The following PDE11A variants were observed in gnomAD, a reference collection of about 807,000 sequenced individuals.
The protein encoded by PDE11A is phosphodiesterase 11A.
A neutral mutation model predicts 100.5 loss-of-function variants in PDE11A; 100 were observed. That is an observed-to-expected ratio of 1.00 (90% confidence interval 0.85 to 1.18). The LOEUF (loss-of-function observed/expected upper bound fraction) is 1.18, where lower values mean the gene tolerates loss of function less well. Among genes scored for constraint, PDE11A ranks in the 50% most tolerant of loss-of-function variants. The pLI is 0.00. For missense variants in PDE11A, 1,141 were observed against 1,152.6 expected (o/e 0.99, Z 0.15); for synonymous variants, 381 against 420.8 (o/e 0.91, Z 1.16).
chr2:177,691,439 G>A (rs1242040026), intron 15 of PDE11A, among the ~76,000 whole-genome samples: 2 of 152,174 alleles, frequency 1.3e-5, no homozygotes, highest in African/African-American at 4.8e-5. Flanking sequence ...AACACAAAGT[G>A]TGTTTGGAAC....
chr2:177,910,222 T>C (rs1338606469), intron 2 of PDE11A, among the ~76,000 whole-genome samples: 2 of 152,214 alleles, frequency 1.3e-5, no homozygotes, highest in Non-Finnish European at 2.9e-5. Flanking sequence ...TCAGACTCAA[T>C]TGCACAATGT....
At chr2:178,106,891 C>T (rs1331209036) in intron 1 of PDE11A, among the ~76,000 whole-genome samples, 2 of 141,026 alleles carry the variant, frequency 1.4e-5, no homozygotes, top group Non-Finnish European at 3.0e-5. Context: ...ACCCGGGAAG[C>T]GAAGGTTGCA....
chr2:177,712,028 T>C, intron 12 of PDE11A, 150 bp from the exon 13 acceptor site: 1 of 635,560 alleles, frequency 1.6e-6, no homozygotes. Context: ...GTAAGTTGGG[T>C]GGTCAGTTGC....
chr2:177,861,131 T>C (rs1278315751), intron 5 of PDE11A, among the ~76,000 whole-genome samples: 4 of 151,688 alleles, frequency 2.6e-5, no homozygotes, highest in Non-Finnish European at 4.4e-5. Context: ...ATTCAGACTG[T>C]AAAGAAAAAA....
chr2:177,791,918 T>A (rs888306110), intron 9 of PDE11A, among the ~76,000 whole-genome samples: 27 of 152,198 alleles, frequency 1.8e-4, no homozygotes, highest in African/African-American at 5.8e-4. Flanking sequence ...AATTGCCTAT[T>A]TCTTTGGAAA....
chr2:177,660,602 G>C (rs1367888745), intron 19 of PDE11A, among the ~76,000 whole-genome samples: 1 of 152,192 alleles, frequency 6.6e-6, no homozygotes, highest in Non-Finnish European at 1.5e-5. Context: ...GTAAAAAATT[G>C]AGTGGAACTT....
intron 3 of PDE11A, among the ~76,000 whole-genome samples, chr2:177,902,060 A>G (rs1475948584): frequency 6.6e-6 from 1 of 152,202 alleles, no homozygotes; most frequent in African/African-American, 2.4e-5. Flanking sequence ...CTAGGATAAT[A>G]TCTGTTAGGC....
Position 177,872,363 on chromosome 2 carries a change from C to T in PDE11A, c.1367+3496G>A, listed in dbSNP as rs549231215. ...GTCACTAGAGGTGTTGCCAGTGATA[C>T]CCTGGAAGAGGAGCACACTTCATGG... On this transcript the variant is annotated intron_variant, in intron 5 of 19. Transcript: ENST00000286063. Among the ~76,000 whole-genome samples the T allele has an allele frequency of 2.6e-5, 4 of 152,266 alleles. No homozygotes were observed. In the East Asian group the frequency reaches 7.7e-4, roughly 29 times the overall value.
At chr2:178,064,179 A>C (rs2087010068) in intron 1 of PDE11A, among the ~76,000 whole-genome samples, 2 of 152,210 alleles carry the variant, frequency 1.3e-5, no homozygotes, top group Admixed American at 1.3e-4. Flanking sequence ...CCTGACTGTA[A>C]GTCTAGAGCA....
At chr2:177,847,584 T>G (rs895559665) in intron 5 of PDE11A, among the ~76,000 whole-genome samples, 3 of 152,192 alleles carry the variant, frequency 2.0e-5, no homozygotes, top group African/African-American at 7.2e-5. Context: ...GACAGACACC[T>G]CCAAGTCCTT....
intron 2 of PDE11A, among the ~76,000 whole-genome samples, chr2:177,931,152 G>A (rs534556842): frequency 7.7e-5 from 11 of 142,978 alleles, no homozygotes; most frequent in Admixed American, 2.2e-4. Flanking sequence ...GCGAAACTCC[G>A]TCTCAAAAAA....
At chr2:177,854,735 T>C (rs993885210) in intron 5 of PDE11A, among the ~76,000 whole-genome samples, 7 of 152,118 alleles carry the variant, frequency 4.6e-5, no homozygotes, top group African/African-American at 1.7e-4. Flanking sequence ...GTGGCTTTGA[T>C]ACCAAGAGGC....
intron 9 of PDE11A, among the ~76,000 whole-genome samples, chr2:177,789,816 G>C (rs2082600422): frequency 1.3e-5 from 2 of 152,052 alleles, no homozygotes; most frequent in Non-Finnish European, 2.9e-5. Flanking sequence ...AAAATACCTA[G>C]GAACCCAACT....
At chr2:177,805,692 C>G (rs945308164) in intron 9 of PDE11A, among the ~76,000 whole-genome samples, 1 of 152,032 alleles carries the variant, frequency 6.6e-6, no homozygotes, top group Non-Finnish European at 1.5e-5. Flanking sequence ...GTTTATATTC[C>G]TTCCTGACAA....
intron 13 of PDE11A, among the ~76,000 whole-genome samples, chr2:177,702,129 TTTGAG>T (rs1246418142): frequency 6.6e-6 from 1 of 152,210 alleles, no homozygotes; most frequent in Admixed American, 6.5e-5. Flanking sequence ...AAGGGATTAC[TTTGAG>T]TTATCTGTAA....
intron 4 of PDE11A, among the ~76,000 whole-genome samples, chr2:177,890,716 G>A (rs890026704): frequency 6.6e-6 from 1 of 152,128 alleles, no homozygotes; most frequent in Non-Finnish European, 1.5e-5. Flanking sequence ...CTTGCTAAGA[G>A]GTTGACTACC....
At chr2:177,963,018 T>C (rs2085654927) in intron 2 of PDE11A, among the ~76,000 whole-genome samples, 1 of 152,094 alleles carries the variant, frequency 6.6e-6, no homozygotes, top group African/African-American at 2.4e-5. Context: ...ACAAAGTAAA[T>C]AGAGAAACTA....
chr2:178,058,388 T>C (rs2086925522), intron 1 of PDE11A, among the ~76,000 whole-genome samples: 1 of 152,198 alleles, frequency 6.6e-6, no homozygotes, highest in Non-Finnish European at 1.5e-5. Flanking sequence ...TCCTGTGTTG[T>C]TCTCATGATA....
intron 9 of PDE11A, among the ~76,000 whole-genome samples, chr2:177,776,942 C>T (rs966366146): frequency 2.0e-5 from 3 of 152,092 alleles, no homozygotes; most frequent in Non-Finnish European, 4.4e-5. Context: ...TCATGCTGTT[C>T]TCATGATAGT....
Sources: gnomAD v4.1 joint callset for allele counts (sites outside exome capture counted in the v4.1 genomes callset) on GRCh38, gnomAD v4.1.1 for gene constraint, MANE v1.5 for transcripts, NCBI Gene and HGNC (gene_info 2026-07-23, HGNC 2026-07-21) for gene names.